Variants in SUSD4 observed in about 807,000 individuals in gnomAD.
The protein encoded by SUSD4 is sushi domain-containing protein 4.
A neutral mutation model predicts 50.5 loss-of-function variants in SUSD4; 41 were observed. That is an observed-to-expected ratio of 0.81 (90% confidence interval 0.63 to 1.05). SUSD4 has a LOEUF of 1.05. SUSD4 is among the 50% of genes least tolerant of loss of function. The probability of loss-of-function intolerance (pLI) is 0.00; values close to 1 mark genes in which losing one functional copy is unlikely to be tolerated. For missense variants in SUSD4, 580 were observed against 634.7 expected (o/e 0.91, Z 0.93); for synonymous variants, 257 against 257.3 (o/e 1.00, Z 0.01).
chr1:223,260,803 G>A (rs898431785), intron 5 of SUSD4, among the ~76,000 whole-genome samples: 1 of 152,200 alleles, frequency 6.6e-6, no homozygotes, highest in Admixed American at 6.5e-5. Flanking sequence ...TTCGTAGTGG[G>A]CTTCCAAACT....
At chr1:223,326,225 A>G (rs565044295) in intron 2 of SUSD4, among the ~76,000 whole-genome samples, 4 of 152,210 alleles carry the variant, frequency 2.6e-5, no homozygotes, top group Non-Finnish European at 5.9e-5. Flanking sequence ...ATCTTCAACA[A>G]GGCATACAAA....
chr1:223,360,447 C>T (rs991189421), intron 2 of SUSD4: 1 of 252,364 alleles, frequency 4.0e-6, no homozygotes. Flanking sequence ...AATGAGGGCA[C>T]TCTTCCTTAA....
intron 2 of SUSD4, among the ~76,000 whole-genome samples, chr1:223,305,911 G>A (rs1665509712): frequency 6.6e-6 from 1 of 152,166 alleles, no homozygotes; most frequent in African/African-American, 2.4e-5. Context: ...TATCAACTCT[G>A]AATATTTGGA....
At chr1:223,308,770 G>A (rs1404966207) in intron 2 of SUSD4, among the ~76,000 whole-genome samples, 22 of 152,082 alleles carry the variant, frequency 1.4e-4, no homozygotes, top group Admixed American at 1.4e-3. Context: ...TCTCTAATCT[G>A]GGTTTCCTTC....
intron 5 of SUSD4, among the ~76,000 whole-genome samples, chr1:223,245,704 C>A (rs1660876782): frequency 6.6e-6 from 1 of 152,128 alleles, no homozygotes; most frequent in East Asian, 1.9e-4. Flanking sequence ...GGCAGGACTG[C>A]CAGGAAGTGG....
At chr1:223,236,418 G>A (rs533744924) in intron 5 of SUSD4, among the ~76,000 whole-genome samples, 15 of 152,112 alleles carry the variant, frequency 9.9e-5, no homozygotes, top group East Asian at 5.8e-4. Context: ...AAAAGACATC[G>A]CCATACACAG....
At chr1:223,232,684 T>C (rs1659974453) in intron 5 of SUSD4, among the ~76,000 whole-genome samples, 3 of 152,214 alleles carry the variant, frequency 2.0e-5, no homozygotes, top group South Asian at 2.1e-4. Flanking sequence ...TTCTGTACCA[T>C]ACAGATCAAC....
chr1:223,248,179 C>T (rs143138377), intron 5 of SUSD4, among the ~76,000 whole-genome samples: 78 of 152,298 alleles, frequency 5.1e-4, no homozygotes, highest in African/African-American at 1.8e-3. Context: ...GTAAAGCTGA[C>T]TCTTAATGCT....
intron 2 of SUSD4, among the ~76,000 whole-genome samples, chr1:223,342,138 C>A (rs145537471): frequency 6.6e-4 from 100 of 152,188 alleles, no homozygotes; most frequent in African/African-American, 2.3e-3. Flanking sequence ...GGAGGACAGG[C>A]GGGGGCCTGG....
In SUSD4 at chr1:223,227,868, C is replaced by T. The variant is rs1659624056; in HGVS notation, c.917-130G>A. On this transcript the variant is annotated intron_variant, in intron 6 of 8. Transcript: ENST00000366878. The surrounding 1 kb of genome is among the most constrained non-coding windows in gnomAD (Gnocchi z 4.5). ...TGCAAGGTGCCTCTGACCCCCAGGG[C>T]TCGGCAGAGATACCATGTGCCCCTG... 5 of 1,202,300 alleles carry T rather than the reference C, an allele frequency of 4.2e-6. No individual in the cohort carries two copies. Among genetic ancestry groups the T allele is most frequent in the South Asian group, 1.6e-5 (1 of 63,764 alleles). 74.5% of individuals were successfully genotyped at this position (1,202,300 alleles called of 1,614,324 possible).
At chr1:223,349,942 T>A (rs907326088) in intron 2 of SUSD4, among the ~76,000 whole-genome samples, 1 of 152,132 alleles carries the variant, frequency 6.6e-6, no homozygotes, top group Non-Finnish European at 1.5e-5. Flanking sequence ...TAAGAGGTAA[T>A]TAAAGTTAAA....
Position 223,293,390 on chromosome 1 carries a change from C to T in SUSD4, c.149-739G>A, listed in dbSNP as rs1664621432. Among the ~76,000 whole-genome samples, 3 of 152,198 alleles carry T rather than the reference C, an allele frequency of 2.0e-5. No homozygotes were observed. In the South Asian group the frequency reaches 6.2e-4, roughly 32 times the overall value. Reference sequence around the variant, plus strand: ...TGCTGAATTACCTGCAGAACAGCTGCCTCTCATCCCAGGCTGTGCGCCCTC... The same window carrying T: ...TGCTGAATTACCTGCAGAACAGCTGTCTCTCATCCCAGGCTGTGCGCCCTC... On this transcript the variant is annotated intron_variant, in intron 2 of 8. Coordinates refer to ENST00000366878, the MANE Select transcript of SUSD4 (RefSeq NM_017982.4).
chr1:223,304,972 T>G (rs1353206426), intron 2 of SUSD4, among the ~76,000 whole-genome samples: 5 of 151,236 alleles, frequency 3.3e-5, no homozygotes, highest in Non-Finnish European at 7.4e-5. Flanking sequence ...TTCAAGCCTA[T>G]TCTTTCTCCT....
intron 3 of SUSD4, among the ~76,000 whole-genome samples, chr1:223,271,208 C>G (rs959605935): frequency 2.6e-5 from 4 of 152,116 alleles, no homozygotes; most frequent in Non-Finnish European, 5.9e-5. Context: ...CAGGAGGTGA[C>G]CAGCTATAGA....
At chr1:223,225,874 C>G (rs1345988224) in intron 7 of SUSD4, among the ~76,000 whole-genome samples, 1 of 152,118 alleles carries the variant, frequency 6.6e-6, no homozygotes, top group Non-Finnish European at 1.5e-5. Flanking sequence ...CTTGTGGAAC[C>G]TGGAGAAAAA....
Position 223,348,883 on chromosome 1 carries a change from A to G in SUSD4, c.148+14395T>C, listed in dbSNP as rs116578833. Among the ~76,000 whole-genome samples, 1,109 of 152,302 alleles carry G rather than the reference A, an allele frequency of 7.3e-3. 7 individuals are homozygous for G. Among genetic ancestry groups the G allele is most frequent in the Non-Finnish European group, 0.013 (854 of 68,020 alleles). ...CTACAAACCCACTTCAGAGAAATGCATATACAAGTCTTCATACATGTTCAG... is the reference window on the plus strand; with the variant it reads ...CTACAAACCCACTTCAGAGAAATGCGTATACAAGTCTTCATACATGTTCAG... On this transcript the variant is annotated intron_variant, in intron 2 of 8. Coordinates refer to ENST00000366878, the MANE Select transcript of SUSD4 (RefSeq NM_017982.4).
chr1:223,349,521 T>C (rs888741860), intron 2 of SUSD4, among the ~76,000 whole-genome samples: 3 of 152,190 alleles, frequency 2.0e-5, no homozygotes, highest in Non-Finnish European at 2.9e-5. Flanking sequence ...AGCTTCCAGA[T>C]CATCTCTGGA....
Position 223,229,524 on chromosome 1 carries a change from T to A in SUSD4, c.725-136A>T. On this transcript the variant is annotated intron_variant, in intron 5 of 8. Coordinates refer to ENST00000366878, the MANE Select transcript of SUSD4 (RefSeq NM_017982.4). This position sits in a 1 kb window ranked among gnomAD's most constrained non-coding sequence, Gnocchi z 4.7. ...TTAATCACCAGGCTACTGAGTTGCA[T>A]TAGAGATGGTCTCTTTTTTAGTATT... The A allele has an allele frequency of 1.3e-6, 1 of 783,218 alleles. No homozygotes were observed. Among genetic ancestry groups the A allele is most frequent in the Non-Finnish European group, 1.9e-6 (1 of 520,052 alleles). 48.5% of individuals were successfully genotyped at this position (783,218 alleles called of 1,614,324 possible). A position where few individuals can be genotyped will look rare whatever the true frequency, so the allele number is the denominator to read the frequency against.
chr1:223,284,842 A>C (rs887976868), intron 3 of SUSD4, among the ~76,000 whole-genome samples: 2 of 152,174 alleles, frequency 1.3e-5, no homozygotes, highest in African/African-American at 4.8e-5. Flanking sequence ...AAAGTAGAAA[A>C]GAGGCTACTA....
Sources: gnomAD v4.1 joint callset for allele counts (sites outside exome capture counted in the v4.1 genomes callset) on GRCh38, gnomAD v4.1.1 for gene constraint, Gnocchi (gnomAD v3.1) non-coding constraint, MANE v1.5 for transcripts, NCBI Gene and HGNC (gene_info 2026-07-23, HGNC 2026-07-21) for gene names.